The following NOTCH3 variants were observed in gnomAD, a reference collection of about 807,000 sequenced individuals.
The protein encoded by NOTCH3 is notch receptor 3, also known as neurogenic locus notch homolog protein 3.
Under a neutral mutation model 213.3 loss-of-function variants are expected in NOTCH3, and 86 were observed. The observed-to-expected ratio is 0.40, with a 90% confidence interval of 0.34 to 0.48. The LOEUF (loss-of-function observed/expected upper bound fraction) is 0.48. Among genes scored for constraint, NOTCH3 ranks in the 20% least tolerant of loss-of-function variants. NOTCH3 has a pLI of 0.57. For synonymous variants in NOTCH3, 1,354 were observed against 1,355.9 expected (o/e 1.00, Z 0.03); for missense variants, 2,783 against 3,272.6 (o/e 0.85, Z 3.65).
intron 26 of NOTCH3, 38 bp downstream of exon 26, chr19:15,170,633 T>TA: frequency 3.9e-6 from 5 of 1,287,348 alleles, no homozygotes; most frequent in African/African-American, 1.5e-5. Context: ...CGCCCCCAGC[T>TA]CCGCCCCCGC....
chr19:15,178,240 C>T (rs1260265967), intron 23 of NOTCH3, 150 bp from the exon 24 acceptor site: 2 of 563,290 alleles, frequency 3.6e-6, no homozygotes, highest in East Asian at 6.4e-5. Context: ...GAGACCCCCT[C>T]AACCTCCCCA....
intron 2 of NOTCH3, among the ~76,000 whole-genome samples, chr19:15,195,018 G>A (rs1206258310): frequency 1.3e-5 from 2 of 150,730 alleles, no homozygotes; most frequent in African/African-American, 4.9e-5. Context: ...ACACAACCAC[G>A]CAGGCACACA....
At position 15,160,414 on chromosome 19, in the gene NOTCH3, A is replaced by C. The variant is rs974620284; in HGVS notation, c.*248T>G. On this transcript the variant is annotated 3_prime_UTR_variant, in exon 33 of 33. Coordinates refer to ENST00000263388, the MANE Select transcript of NOTCH3 (RefSeq NM_000435.3). ...GGAATGAGGGAAGAGAGAAGTGGGG[A>C]AGAAGGAGGTCCCAGACTCTTCACA... The C allele has an allele frequency of 9.0e-5, 49 of 545,434 alleles. No homozygotes were observed. The highest frequency in any genetic ancestry group is 8.3e-4 in the African/African-American group (44 of 53,056). 33.8% of individuals were successfully genotyped at this position (545,434 alleles called of 1,614,324 possible).
At position 15,170,385 on chromosome 19, in the gene NOTCH3, G is replaced by A; in HGVS notation, c.5060C>T (p.Ala1687Val). 6.2e-7 allele frequency: 1 copy of A among 1,613,798 alleles called. No homozygotes were observed. Among genetic ancestry groups the A allele is most frequent in the Non-Finnish European group, 8.5e-7 (1 of 1,180,020 alleles). Residue 1687 changes from alanine to valine, a missense_variant, in exon 27 of 33, where the codon GCC becomes GTC. Transcript: ENST00000263388. ...PEGFSLHKDV[A>V]SGHKGRREPV... ...TTCCCGCCGGCCCTTGTGACCAGAG[G>A]CCACGTCCTTGTGCAGTGAGAAGCC... is the stretch of plus-strand genomic sequence containing the variant.
Position 15,185,769 on chromosome 19 carries a change from C to T in NOTCH3, c.1952-90G>A. ...CGTGACCCCACTTAGCACACCCACA[C>T]CCCCGAGCAATGACCTCTTTTTCAT... is the stretch of plus-strand genomic sequence containing the variant. On this transcript the variant is annotated intron_variant, in intron 12 of 32. Coordinates refer to ENST00000263388, the MANE Select transcript of NOTCH3 (RefSeq NM_000435.3). The surrounding 1 kb of genome is among the most constrained non-coding windows in gnomAD (Gnocchi z 4.2). 1 of 1,267,296 alleles carries T rather than the reference C, an allele frequency of 7.9e-7. No individual in the cohort carries two copies. The highest frequency in any genetic ancestry group is 1.1e-6 in the Non-Finnish European group (1 of 883,932). The allele number at this position is 1,267,296 out of a possible 1,614,324, so 78.5% of individuals were successfully genotyped here.
chr19:15,183,384 T>TTTGTTTGTTTG (rs2046855398), intron 16 of NOTCH3, among the ~76,000 whole-genome samples: 6 of 150,178 alleles, frequency 4.0e-5, no homozygotes, highest in East Asian at 2.0e-4. Flanking sequence ...CAGCACCCCT[T>TTTGTTTGTTTG]TTTGTTTGTT....
rs189545202 is a variant in NOTCH3, at chr19:15,180,100, C to T, written c.3299G>A (p.Arg1100His). ...ACACATGTAGCCCCCCATATAGCCA[C>T]GGCAGGTCCCCCCATGCTGGCAGGG... ...AQPCQHGGTC[R>H]GYMGGYMCEC... The change falls in exon 20 of 33, where the codon CGT (arginine) becomes CAT (histidine). Residue 1100 changes from arginine to histidine, a missense_variant. Arg to His is a conservative substitution (Grantham distance 29). Transcript: ENST00000263388. The T allele has an allele frequency of 9.9e-5, 160 of 1,611,930 alleles. 2 individuals carry two copies. The East Asian group carries it at 1.4e-3, about 15-fold the overall frequency.
In NOTCH3 at chr19:15,170,452, C is replaced by A; in HGVS notation, c.4993G>T (p.Ala1665Ser). The A allele has an allele frequency of 6.2e-7, 1 of 1,610,316 alleles. No individual in the cohort carries two copies. The highest frequency in any genetic ancestry group is 8.5e-7 in the Non-Finnish European group (1 of 1,179,966). Residue 1665 changes from alanine (A) to serine (S), a missense_variant, in exon 27 of 33, where the codon GCC becomes TCC. By Grantham distance (99) the Ala-to-Ser change is moderately conservative. Around this residue, in one of 6 missense-constraint regions of NOTCH3, gnomAD observed 636 missense variants for 801.8 expected, o/e 0.79. Transcript: ENST00000263388. ...LVILVLGVMV[A>S]RRKREHSTLW... ...GTGCTGTGCTCGCGCTTGCGCCGGG[C>A]CACCATGACACCCAGGACGAGAATG...
chr19:15,198,122 G>A (rs867162781), intron 1 of NOTCH3, among the ~76,000 whole-genome samples: 6 of 152,194 alleles, frequency 3.9e-5, no homozygotes, highest in East Asian at 1.9e-4. Context: ...AGCAGCCAGC[G>A]CTGGGCGTTG....
chr19:15,193,652 T>G (rs2046946722), intron 2 of NOTCH3, among the ~76,000 whole-genome samples: 1 of 150,990 alleles, frequency 6.6e-6, no homozygotes, highest in Non-Finnish European at 1.5e-5. Flanking sequence ...GAGCCTGTAA[T>G]CCCAGCTACT....
Position 15,160,928 on chromosome 19 carries a change from G to T in NOTCH3, c.6700C>A (p.Arg2234Ser), listed in dbSNP as rs184996545. The change falls in exon 33 of 33, where the codon CGC becomes AGC. Residue 2234 changes from arginine (R) to serine (S), a missense_variant. By Grantham distance (110) the Arg-to-Ser change is moderately radical (BLOSUM62 -1). This residue lies in a region of NOTCH3 where 441 missense variants were observed against 432.1 expected (regional missense o/e 1.02). Transcript: ENST00000263388. ...TGCTCACTGGGAACCCGCAGGAAGCGGGCCTTTGGGGGGCTGCTGTGTGCC... is the reference window on the plus strand; with the variant it reads ...TGCTCACTGGGAACCCGCAGGAAGCTGGCCTTTGGGGGGCTGCTGTGTGCC... ...AGAHSSPPKA[R>S]FLRVPSEHPY... 1 of 1,601,352 alleles carries T rather than the reference G, an allele frequency of 6.2e-7. No individual in the cohort carries two copies. The highest frequency in any genetic ancestry group is 8.5e-7 in the Non-Finnish European group (1 of 1,173,502).
chr19:15,180,234 A>G lies in NOTCH3; in HGVS notation c.3165T>C (p.Cys1055=), dbSNP rs2145420730. 6.2e-7 allele frequency: 1 copy of G among 1,613,690 alleles called. No homozygotes were observed. Among genetic ancestry groups the G allele is most frequent in the Non-Finnish European group, 8.5e-7 (1 of 1,179,992 alleles). Reference sequence around the variant, plus strand: ...CATCCACACACTGCCCACCCGCCTGACACAGCTGCTCCAGCCGCACCCCTG... The same window carrying G: ...CATCCACACACTGCCCACCCGCCTGGCACAGCTGCTCCAGCCGCACCCCTG... ...AQIGVRLEQL[C]QAGGQCVDED... The change falls in exon 20 of 33, where the codon TGT becomes TGC. Residue 1055 remains cysteine (C), a synonymous_variant. Transcript: ENST00000263388.
chr19:15,193,385 C>T (rs968575063), intron 2 of NOTCH3, among the ~76,000 whole-genome samples: 4 of 151,892 alleles, frequency 2.6e-5, no homozygotes, highest in East Asian at 1.9e-4. Context: ...TACAGGCACA[C>T]GCCACCAGGC....
intron 24 of NOTCH3, 74 bp from the exon 25 acceptor site, chr19:15,174,474 A>T (rs2046770876): frequency 9.2e-7 from 1 of 1,081,256 alleles, no homozygotes; most frequent in Non-Finnish European, 1.3e-6. Flanking sequence ...ATGCATTCAC[A>T]CCGTAGAGTA....
At chr19:15,161,735 G>A in intron 32 of NOTCH3, 21 bp from the exon 33 acceptor site, 1 of 1,608,800 alleles carries the variant, frequency 6.2e-7, no homozygotes, top group Non-Finnish European at 8.5e-7. Context: ...AGAACCCACA[G>A]AGGTCAGCGA....
chr19:15,162,191 A>G (rs528692175), intron 32 of NOTCH3: 27 of 477,834 alleles, frequency 5.7e-5, no homozygotes, highest in African/African-American at 3.3e-4. Context: ...TACGTTGGCC[A>G]GGCTGGTCTC....
At chr19:15,200,341 CCCCGCCTGGCCCAG>C (rs978707056) in intron 1 of NOTCH3, among the ~76,000 whole-genome samples, 1 of 151,608 alleles carries the variant, frequency 6.6e-6, no homozygotes, top group African/African-American at 2.4e-5. Flanking sequence ...CCTCCCCACC[CCCCGCCTGGCCCAG>C]CCCGCCCGGG....
chr19:15,184,152 T>A, intron 16 of NOTCH3, 143 bp downstream of exon 16: 4 of 742,652 alleles, frequency 5.4e-6, no homozygotes, highest in Non-Finnish European at 8.7e-6. Flanking sequence ...CTCAACCTCC[T>A]CGGGCCTCAG....
At chr19:15,173,158 A>G (rs1297663002) in intron 25 of NOTCH3, among the ~76,000 whole-genome samples, 1 of 121,974 alleles carries the variant, frequency 8.2e-6, no homozygotes, top group Non-Finnish European at 1.7e-5. Flanking sequence ...ATGGTGGCTC[A>G]CGCCTGTAAT....
Sources: allele counts gnomAD v4.1 joint callset (sites outside exome capture counted in the v4.1 genomes callset), GRCh38; gene constraint gnomAD v4.1.1; regional missense constraint gnomAD v4.1.1; non-coding constraint Gnocchi (gnomAD v3.1); transcripts MANE v1.5; gene names NCBI Gene and HGNC (gene_info 2026-07-23, HGNC 2026-07-21).